OTOGL: variants seen among roughly 807,000 people sequenced by gnomAD.
OTOGL encodes the protein otogelin like, also known as otogelin-like protein.
OTOGL carries 285 observed loss-of-function variants against 318.5 expected under a neutral mutation model. The ratio of observed to expected loss-of-function variants is 0.89; its 90% CI spans 0.81 to 0.99. The LOEUF is 0.99. Among genes scored for constraint, OTOGL ranks in the 50% least tolerant of loss-of-function variants. The pLI, the probability that OTOGL is intolerant of heterozygous loss-of-function variation, is 0.00. For synonymous variants in OTOGL, 987 were observed against 936.5 expected (o/e 1.05, Z -0.99); for missense variants, 2,899 against 2,845.6 (o/e 1.02, Z -0.43).
intron 38 of OTOGL, among the ~76,000 whole-genome samples, chr12:80,335,531 G>A (rs1205600210): frequency 1.3e-5 from 2 of 152,062 alleles, no homozygotes; most frequent in Middle Eastern, 3.4e-3. Flanking sequence ...TGAAACTGAT[G>A]TTATATATAA....
intron 34 of OTOGL, among the ~76,000 whole-genome samples, chr12:80,321,920 A>G (rs1887359633): frequency 6.6e-6 from 1 of 152,182 alleles, no homozygotes; most frequent in African/African-American, 2.4e-5. Flanking sequence ...CCCAGGGTGA[A>G]CTGAATCTTG....
intron 8 of OTOGL, among the ~76,000 whole-genome samples, chr12:80,230,575 A>C (rs921314230): frequency 6.6e-6 from 1 of 152,182 alleles, no homozygotes; most frequent in African/African-American, 2.4e-5. Context: ...TTATTAAAGG[A>C]GAAACATAAT....
At chr12:80,244,921 T>G (rs1339354220) in intron 11 of OTOGL, among the ~76,000 whole-genome samples, 1 of 148,096 alleles carries the variant, frequency 6.8e-6, no homozygotes, top group Non-Finnish European at 1.5e-5. Flanking sequence ...TGGCCAGTGA[T>G]GATGAGCATT....
intron 26 of OTOGL, among the ~76,000 whole-genome samples, chr12:80,293,160 T>C (rs11829872): frequency 0.032 from 4,935 of 152,258 alleles, 270 homozygotes; most frequent in African/African-American, 0.11. Flanking sequence ...TTAATAAAGA[T>C]AGCTAAAAAG....
intron 1 of OTOGL, among the ~76,000 whole-genome samples, chr12:80,101,679 T>G (rs961749904): frequency 1.3e-5 from 2 of 151,646 alleles, no homozygotes; most frequent in East Asian, 3.8e-4. Context: ...TAAAAGCAGT[T>G]TTTTTTAAAA....
At chr12:80,267,164 A>G (rs1883043316) in intron 21 of OTOGL, 89 bp from the exon 22 acceptor site, 1 of 683,844 alleles carries the variant, frequency 1.5e-6, no homozygotes, top group South Asian at 2.3e-5. Context: ...GTACCTTACA[A>G]TGACCAATGG....
At position 80,265,158 on chromosome 12, in the gene OTOGL, C is replaced by T. The variant is rs1882854242; in HGVS notation, c.2172C>T (p.Leu724=). ...LCNALAHYAY[L]CGQHGVPIDF... is the part of the protein sequence containing the mutation. ...ATGCTCTTGCCCACTATGCCTACCTCTGCGGCCAGCACGGTGTTCCCATTG... is the reference window on the plus strand; with the variant it reads ...ATGCTCTTGCCCACTATGCCTACCTTTGCGGCCAGCACGGTGTTCCCATTG... Residue 724 remains leucine (L), a synonymous_variant, in exon 20 of 59, where the codon CTC becomes CTT. Transcript: ENST00000547103. 1 of 1,613,870 alleles carries T rather than the reference C, an allele frequency of 6.2e-7. No individual in the cohort carries two copies. Among genetic ancestry groups the T allele is most frequent in the Non-Finnish European group, 8.5e-7 (1 of 1,179,852 alleles).
chr12:80,374,789 AG>A (rs1226596538), intron 57 of OTOGL, among the ~76,000 whole-genome samples: 1 of 152,026 alleles, frequency 6.6e-6, no homozygotes, highest in African/African-American at 2.4e-5. Context: ...ATGTTATCTC[AG>A]GGCAGACAGG....
chr12:80,266,735 T>C (rs1472273541), intron 21 of OTOGL, 119 bp downstream of exon 21: 1 of 1,050,600 alleles, frequency 9.5e-7, no homozygotes, highest in East Asian at 2.7e-5. Flanking sequence ...TACTTTTTTT[T>C]TTAAAAAACC....
At chr12:80,361,211 C>T (rs1413012538) in intron 52 of OTOGL, 1 of 152,064 alleles carries the variant, frequency 6.6e-6, no homozygotes, top group Non-Finnish European at 1.5e-5. Flanking sequence ...TTAGATTCTG[C>T]ATATAAATGA....
At chr12:80,147,148 G>C (rs1197169396) in intron 1 of OTOGL, among the ~76,000 whole-genome samples, 1 of 151,866 alleles carries the variant, frequency 6.6e-6, no homozygotes, top group Non-Finnish European at 1.5e-5. Context: ...TGTGATGTTA[G>C]GATGTCAATT....
chr12:80,186,299 G>A (rs978639401), intron 1 of OTOGL, among the ~76,000 whole-genome samples: 4 of 152,040 alleles, frequency 2.6e-5, no homozygotes, highest in South Asian at 2.1e-4. Flanking sequence ...CCTATATCAA[G>A]TCCATTAAAG....
intron 1 of OTOGL, among the ~76,000 whole-genome samples, chr12:80,199,197 A>T (rs1477895045): frequency 6.6e-6 from 1 of 152,134 alleles, no homozygotes; most frequent in Non-Finnish European, 1.5e-5. Flanking sequence ...TCCCTAGCTT[A>T]CTTTGCTCCA....
intron 12 of OTOGL, 55 bp downstream of exon 12, chr12:80,251,854 C>A: frequency 6.9e-7 from 1 of 1,451,116 alleles, no homozygotes; most frequent in Admixed American, 2.0e-5. Context: ...TGGGTTAAAC[C>A]TAGAACTCAA....
chr12:80,239,390 T>C lies in OTOGL; in HGVS notation c.1003T>C (p.Tyr335His). The change falls in exon 11 of 59, where the codon TAT becomes CAT. Residue 335 changes from tyrosine (Y) to histidine (H), a missense_variant. Around this residue, in one of 3 missense-constraint regions of OTOGL, gnomAD observed 2,607 missense variants for 2,524.9 expected, o/e 1.03. Transcript: ENST00000547103. ...LQFPFLSCHE[Y>H]IDPYLYIASC... ...GTTTCCTTTTCTGAGCTGCCATGAG[T>C]ATATCGATCCATACTTATATATTGC... 1 of 1,610,952 alleles carries C rather than the reference T, an allele frequency of 6.2e-7. No homozygotes were observed.
rs778901457 is a variant in OTOGL, at chr12:80,377,887, A to G, written c.6901A>G (p.Thr2301Ala). Residue 2301 changes from threonine to alanine, a missense_variant, in exon 59 of 59, where the codon ACC (threonine) becomes GCC (alanine). Coordinates refer to ENST00000547103, the MANE Select transcript of OTOGL (RefSeq NM_001378609.3). ...TTGTGACGGCAAATGCCCATCAGCTACCATATATAACATCAATATTGAAAG... is the reference window on the plus strand; with the variant it reads ...TTGTGACGGCAAATGCCCATCAGCTGCCATATATAACATCAATATTGAAAG... ...ASCDGKCPSA[T>A]IYNINIESHL... 1.2e-5 allele frequency: 20 copies of G among 1,611,758 alleles called. No homozygotes were observed. The East Asian group carries it at 4.5e-4, about 36-fold the overall frequency.
intron 1 of OTOGL, among the ~76,000 whole-genome samples, chr12:80,200,685 T>C (rs1306432565): frequency 6.6e-6 from 1 of 152,224 alleles, no homozygotes; most frequent in African/African-American, 2.4e-5. Context: ...GAAGAGGCTT[T>C]GGTAACTCTG....
chr12:80,319,342 C>G (rs185795024), intron 33 of OTOGL, among the ~76,000 whole-genome samples: 8 of 152,284 alleles, frequency 5.3e-5, no homozygotes, highest in Admixed American at 2.0e-4. Flanking sequence ...CTACATAAGT[C>G]TACCTGGAAC....
Position 80,249,493 on chromosome 12 carries a change from G to A in OTOGL, c.1053-2200G>A, listed in dbSNP as rs1270680929. Among the ~76,000 whole-genome samples, 25 of 151,734 alleles carry A rather than the reference G, an allele frequency of 1.6e-4. No homozygotes were observed. The East Asian group carries it at 4.5e-3, about 27-fold the overall frequency. ...AGGCTGCTCGGGGGTCAGGGGTCAG[G>A]GACCCACTTGAGGAGGCAGTCTGCC... On this transcript the variant is annotated intron_variant, in intron 11 of 58. Coordinates refer to ENST00000547103, the MANE Select transcript of OTOGL (RefSeq NM_001378609.3).
Sources: allele counts gnomAD v4.1 joint callset (sites outside exome capture counted in the v4.1 genomes callset), GRCh38; gene constraint gnomAD v4.1.1; regional missense constraint gnomAD v4.1.1; transcripts MANE v1.5; gene names NCBI Gene and HGNC (gene_info 2026-07-23, HGNC 2026-07-21).